Variants in ADGRD2 observed in about 807,000 individuals in gnomAD.
The protein encoded by ADGRD2 is G protein-coupled receptor PGR24.
ADGRD2 carries 71 observed loss-of-function variants against 44.4 expected under a neutral mutation model. That is an observed-to-expected ratio of 1.60 (90% CI 1.32 to 1.95). The LOEUF (loss-of-function observed/expected upper bound fraction) is 1.95. ADGRD2 is among the 30% of genes most tolerant of loss of function. The pLI is 0.00. For synonymous variants in ADGRD2, 481 were observed against 224.8 expected, an observed-to-expected ratio of 2.14 and a Z score of -10.19; for missense variants, 1,039 against 512.4, an observed-to-expected ratio of 2.03 and a Z score of -9.92.
intron 9 of ADGRD2, 95 bp from the exon 13 acceptor site, chr9:124,458,521 C>A: frequency 3.0e-6 from 2 of 660,042 alleles, no homozygotes; most frequent in South Asian, 3.4e-5. Flanking sequence ...GACACAGAGG[C>A]TGCCACCTCC....
Position 124,454,116 on chromosome 9 carries a change from C to T in ADGRD2, c.1022+19C>T, listed in dbSNP as rs943663217. Reference sequence around the variant, plus strand: ...CGGACAGGTGCGCCCTGGCTGTACCCCTGGGCTCTGCTGAAGGGAAAGCCG... The same window carrying T: ...CGGACAGGTGCGCCCTGGCTGTACCTCTGGGCTCTGCTGAAGGGAAAGCCG... On this transcript the variant is annotated intron_variant, in intron 4 of 21. Transcript: ENST00000334810. The surrounding 1 kb of genome is among the most constrained non-coding windows in gnomAD (Gnocchi z 4.5). 3.7e-5 allele frequency: 25 copies of T among 669,790 alleles called. No individual in the cohort carries two copies. The African/African-American group carries it at 4.0e-4, about 11-fold the overall frequency. 41.5% of individuals were successfully genotyped at this position (669,790 alleles called of 1,614,324 possible). A position where few individuals can be genotyped will look rare whatever the true frequency, so the allele number is the denominator to read the frequency against.
At chr9:124,452,017 C>CCCCGG, upstream of ADGRD2, 4 of 563,666 alleles carry the variant, frequency 7.1e-6, no homozygotes, top group Admixed American at 2.5e-5. Context: ...CACCCACCCC[C>CCCCGG]AGAGTAGGCA....
In ADGRD2 at chr9:124,476,426, G is replaced by C. The variant is rs1353782197; in HGVS notation, c.2904+11G>C. The stretch of plus-strand genomic sequence containing the variant: ...AACCCGGAGAGACAGGTGAGGCTGG[G>C]ACAGGGTGGGCCGCACAGGGCTCTG... On this transcript the variant is annotated intron_variant, in intron 20 of 21. Coordinates refer to ENST00000334810, the Ensembl canonical transcript of ADGRD2. The C allele has an allele frequency of 1.4e-6, 1 of 701,718 alleles. No individual in the cohort carries two copies. The highest frequency in any genetic ancestry group is 2.0e-5 in the Admixed American group (1 of 49,982). 43.5% of individuals were successfully genotyped at this position (701,718 alleles called of 1,614,324 possible). A position where few individuals can be genotyped will look rare whatever the true frequency, so the allele number is the denominator to read the frequency against.
intron 10 of ADGRD2, among the ~76,000 whole-genome samples, chr9:124,459,382 TACTAGGGAGGCTGAGGCAA>T (rs969884084): frequency 6.6e-6 from 1 of 151,766 alleles, no homozygotes; most frequent in Non-Finnish European, 1.5e-5. Context: ...TAGTCCCAGC[TACTAGGGAGGCTGAGGCAA>T]GAGAACCGCC....
intron 3 of ADGRD2, 48 bp downstream of exon 6, chr9:124,453,724 C>T (rs1392637942): frequency 1.5e-6 from 1 of 659,820 alleles, no homozygotes; most frequent in Non-Finnish European, 2.7e-6. Context: ...CGAATCCTTC[C>T]CTTCCGACCC....
At position 124,457,432 on chromosome 9, in the gene ADGRD2, T is replaced by C. The variant is rs1432542415; in HGVS notation, c.1506-40T>C. The C allele has an allele frequency of 1.1e-5, 6 of 550,068 alleles. No individual in the cohort carries two copies. The South Asian group carries it at 1.5e-4, about 14-fold the overall frequency. 34.1% of individuals were successfully genotyped at this position (550,068 alleles called of 1,614,324 possible). ...GCTGGGCCTGCTCAGCAGAAAGACC[T>C]CACTCCGAGGTCCAGCCACCCAGCC... On this transcript the variant is annotated intron_variant, in intron 7 of 21. Transcript: ENST00000334810.
intron 19 of ADGRD2, 93 bp from the exon 23 acceptor site, chr9:124,476,264 G>C (rs571919655): frequency 1.6e-6 from 1 of 621,748 alleles, no homozygotes; most frequent in Non-Finnish European, 2.9e-6. Context: ...GATTCTTAGC[G>C]TATTTGATCC....
chr9:124,475,632 G>T lies in ADGRD2; in HGVS notation c.2845+17G>T. ...GTGGCCGAGGTGCTCAGGGCACTGGGGGTGTGGGTGGGGGCGGGAGGCCCC... is the reference window on the plus strand; with the variant it reads ...GTGGCCGAGGTGCTCAGGGCACTGGTGGTGTGGGTGGGGGCGGGAGGCCCC... On this transcript the variant is annotated intron_variant, in intron 19 of 21. Transcript: ENST00000334810. 1 of 651,200 alleles carries T rather than the reference G, an allele frequency of 1.5e-6. No homozygotes were observed. Among genetic ancestry groups the T allele is most frequent in the South Asian group, 1.7e-5 (1 of 57,954 alleles). 40.3% of individuals were successfully genotyped at this position (651,200 alleles called of 1,614,324 possible).
intron 2 of ADGRD2, 67 bp from the exon 6 acceptor site, chr9:124,452,968 A>T: frequency 1.6e-6 from 1 of 606,480 alleles, no homozygotes; most frequent in South Asian, 1.9e-5. Context: ...CCGCTGAGCC[A>T]AAGGGCAGGG....
exon 9 of ADGRD2, chr9:124,458,113 G>T (rs58155983): frequency 1.4e-6 from 1 of 718,320 alleles, no homozygotes; most frequent in Non-Finnish European, 2.6e-6. Flanking sequence ...TCTCAGCCAG[G>T]CCTCTCTGGA....
chr9:124,476,558 G>C, intron 20 of ADGRD2, 121 bp from the exon 24 acceptor site: 1 of 636,642 alleles, frequency 1.6e-6, no homozygotes, highest in Non-Finnish European at 2.8e-6. Context: ...TGGGCTGAAG[G>C]GCCCAGGGAG....
At chr9:124,452,771 G>T (rs762254602) in intron 2 of ADGRD2, 49 bp downstream of exon 5, 44 of 691,200 alleles carry the variant, frequency 6.4e-5, no homozygotes, top group Middle Eastern at 2.4e-4. Context: ...AGGCTCTGGT[G>T]ACCTTCAGAT....
At chr9:124,458,084 G>A (rs1216258462) in intron 8 of ADGRD2, 29 bp from the exon 12 acceptor site, 3 of 718,102 alleles carry the variant, frequency 4.2e-6, no homozygotes, top group Non-Finnish European at 7.8e-6. Context: ...CCACCGGGTG[G>A]TGCCTTGGTG....
intron 19 of ADGRD2, among the ~76,000 whole-genome samples, chr9:124,476,013 G>A (rs1832043974): frequency 6.6e-6 from 1 of 152,206 alleles, no homozygotes; most frequent in Non-Finnish European, 1.5e-5. Context: ...CTGGGGCCTG[G>A]CCCACGCATG....
In ADGRD2 at chr9:124,474,267, ACT is replaced by A. The variant is rs555337758; in HGVS notation, c.2759-1176_2759-1175del. Among the ~76,000 whole-genome samples, 1,010 of 117,564 alleles carry A rather than the reference ACT, an allele frequency of 8.6e-3. 6 individuals carry two copies. The highest frequency in any genetic ancestry group is 0.025 in the Middle Eastern group (5 of 202). 77.1% of individuals were successfully genotyped at this position (117,564 alleles called of 152,430 possible). ...TCCAGCCTGGGCAATAAGAGTGAAA[ACT>A]CTGTCTCAAAAAAAAAAAAAAAAAA... On this transcript the variant is annotated intron_variant, in intron 17 of 21. Transcript: ENST00000334810.
chr9:124,470,410 C>A (rs1040493044), intron 16 of ADGRD2, 84 bp from the exon 20 acceptor site: 2 of 647,328 alleles, frequency 3.1e-6, no homozygotes, highest in Non-Finnish European at 5.7e-6. Flanking sequence ...GCTCCAGGCA[C>A]GTACAGGTGC....
intron 16 of ADGRD2, among the ~76,000 whole-genome samples, chr9:124,469,894 ATCAGGGTTAGCCCCAGAAGT>A (rs1214583159): frequency 8.5e-5 from 13 of 152,194 alleles, no homozygotes; most frequent in African/African-American, 2.9e-4. Context: ...AGACCCTCAA[ATCAGGGTTAGCCCCAGAAGT>A]TCAGGGTTAG....
rs779891444 is a variant in ADGRD2 at position 124,452,155 on chromosome 9, G to A, written c.67G>A (p.Val23Ile). ...GAATCAAGGAACCCTTGGGCCCCAGGTTGGTATGAGGGATCCCCCCAGGGA... is the reference window on the plus strand; with the variant it reads ...GAATCAAGGAACCCTTGGGCCCCAGATTGGTATGAGGGATCCCCCCAGGGA... The change falls in exon 1 of 22, where the codon GTT (valine) becomes ATT (isoleucine). Residue 23 changes from valine (V) to isoleucine (I), a missense_variant. Coordinates refer to ENST00000334810, the Ensembl canonical transcript of ADGRD2. The A allele has an allele frequency of 2.7e-5, 19 of 716,596 alleles. No homozygotes were observed. Among genetic ancestry groups the A allele is most frequent in the Middle Eastern group, 2.3e-4 (1 of 4,386 alleles). 44.4% of individuals were successfully genotyped at this position (716,596 alleles called of 1,614,324 possible). A position where few individuals can be genotyped will look rare whatever the true frequency, so the allele number is the denominator to read the frequency against.
chr9:124,462,351 G>A (rs1202090160), intron 10 of ADGRD2, among the ~76,000 whole-genome samples: 3 of 152,086 alleles, frequency 2.0e-5, no homozygotes, highest in Non-Finnish European at 4.4e-5. Flanking sequence ...TTACAGGCAC[G>A]AGCTACCACA....
Sources: allele counts gnomAD v4.1 joint callset (sites outside exome capture counted in the v4.1 genomes callset), GRCh38; gene constraint gnomAD v4.1.1; non-coding constraint Gnocchi (gnomAD v3.1); transcripts MANE v1.5; gene names NCBI Gene and HGNC (gene_info 2026-07-23, HGNC 2026-07-21).